MACF1: variants seen among roughly 807,000 people sequenced by gnomAD.
The protein encoded by MACF1 is microtubule-actin cross-linking factor 1.
In MACF1, 193 loss-of-function variants were observed where a neutral mutation model predicts 854.8. That is an observed-to-expected ratio of 0.23 (90% CI 0.20 to 0.25). The LOEUF (loss-of-function observed/expected upper bound fraction) is 0.25, where lower values mean the gene tolerates loss of function less well. MACF1 is among the 10% of genes least tolerant of loss of function. The pLI is 1.00. For missense variants in MACF1, 7,722 were observed against 8,929.1 expected, an observed-to-expected ratio of 0.86 and a Z score of 5.45; for synonymous variants, 3,185 against 3,226.7, an observed-to-expected ratio of 0.99 and a Z score of 0.44.
intron 55 of MACF1, among the ~76,000 whole-genome samples, chr1:39,381,356 CTT>C (rs869060742): frequency 1.9e-4 from 7 of 36,794 alleles, no homozygotes; most frequent in African/African-American, 4.6e-4. Context: ...CATGCCTGGC[CTT>C]TTTTTTTTTT....
At chr1:39,221,063 C>A (rs1007085896) in intron 1 of MACF1, among the ~76,000 whole-genome samples, 33 of 152,154 alleles carry the variant, frequency 2.2e-4, no homozygotes, top group East Asian at 5.8e-4. Flanking sequence ...AAGGTTGCTC[C>A]TAGTAGAGTA....
At chr1:39,208,232 A>G (rs766517953) in intron 1 of MACF1, among the ~76,000 whole-genome samples, 1 of 147,904 alleles carries the variant, frequency 6.8e-6, no homozygotes, top group Non-Finnish European at 1.5e-5. Flanking sequence ...TCTTGGCCTT[A>G]TAAGCATCCA....
At chr1:39,288,793 A>G (rs1294301330) in intron 15 of MACF1, among the ~76,000 whole-genome samples, 1 of 152,238 alleles carries the variant, frequency 6.6e-6, no homozygotes, top group Non-Finnish European at 1.5e-5. Context: ...CCCCATCTCA[A>G]AAATAAAACA....
Position 39,331,811 on chromosome 1 carries a change from A to G in MACF1, c.5223A>G (p.Lys1741=), listed in dbSNP as rs780957967. Residue 1741 remains lysine, a synonymous_variant, in exon 37 of 101, where the codon AAA becomes AAG. Transcript: ENST00000564288. ...KQLAGGMVSL[K]SGRKVSIFRA... is the part of the protein sequence containing the mutation. Reference sequence around the variant, plus strand: ...TGGCAGGGGGGATGGTGAGCTTGAAATCAGGCCGGAAGGTTAGCATTTTCC... The same window carrying G: ...TGGCAGGGGGGATGGTGAGCTTGAAGTCAGGCCGGAAGGTTAGCATTTTCC... The G allele has an allele frequency of 2.5e-6, 4 of 1,614,046 alleles. No individual in the cohort carries two copies. Among genetic ancestry groups the G allele is most frequent in the Admixed American group, 1.7e-5 (1 of 59,994 alleles).
At chr1:39,224,291 T>A (rs2148294479) in intron 1 of MACF1, among the ~76,000 whole-genome samples, 1 of 152,148 alleles carries the variant, frequency 6.6e-6, no homozygotes, top group East Asian at 1.9e-4. Context: ...CTTGGACATC[T>A]GAAGAAGCTA....
At chr1:39,287,689 G>A in intron 15 of MACF1, 127 bp downstream of exon 15, 2 of 1,060,316 alleles carry the variant, frequency 1.9e-6, no homozygotes, top group Admixed American at 4.5e-5. Context: ...TCTTTTATTT[G>A]AGTGATGGGG....
At chr1:39,374,313 A>T (rs1015431707) in intron 52 of MACF1, among the ~76,000 whole-genome samples, 3 of 152,234 alleles carry the variant, frequency 2.0e-5, no homozygotes, top group Non-Finnish European at 4.4e-5. Context: ...TTGAGATCAC[A>T]TAAGTTTTAT....
intron 23 of MACF1, chr1:39,304,403 A>T: frequency 8.8e-7 from 1 of 1,136,264 alleles, no homozygotes; most frequent in Middle Eastern, 2.0e-4. Flanking sequence ...TTTATCTCCA[A>T]CTTTCCTGCT....
chr1:39,291,739 C>T (rs1262936604), intron 15 of MACF1, among the ~76,000 whole-genome samples, 171 bp from the exon 16 acceptor site: 1 of 152,114 alleles, frequency 6.6e-6, no homozygotes, highest in Non-Finnish European at 1.5e-5. Context: ...TGCTTCTTAG[C>T]GGTGATGATG....
chr1:39,379,235 G>A lies in MACF1; in HGVS notation c.13309G>A (p.Val4437Ile), dbSNP rs1361214288. 1.1e-5 allele frequency: 18 copies of A among 1,609,814 alleles called. No homozygotes were observed. Among genetic ancestry groups the A allele is most frequent in the Non-Finnish European group, 1.5e-5 (18 of 1,178,186 alleles). ...GGAGATCCAGTGTGACATGTCAGATGTAAACTTGAAGTATGAGAAACTAGG... is the reference window on the plus strand; with the variant it reads ...GGAGATCCAGTGTGACATGTCAGATATAAACTTGAAGTATGAGAAACTAGG... ...LTEIQCDMSD[V>I]NLKYEKLGGV... Residue 4437 changes from valine (V) to isoleucine (I), a missense_variant, in exon 54 of 101, where the codon GTA (valine) becomes ATA (isoleucine). Val to Ile is a conservative substitution (Grantham distance 29). Around this residue, in one of 15 missense-constraint regions of MACF1, gnomAD observed 2,807 missense variants for 3,235.8 expected, o/e 0.87. Transcript: ENST00000564288.
intron 97 of MACF1, among the ~76,000 whole-genome samples, chr1:39,471,982 T>G (rs939534077): frequency 6.6e-6 from 1 of 152,198 alleles, no homozygotes; most frequent in Non-Finnish European, 1.5e-5. Flanking sequence ...AACAATAGCT[T>G]AGAACTGAAT....
At chr1:39,428,333 G>T in intron 63 of MACF1, 46 bp downstream of exon 63, 2 of 1,471,036 alleles carry the variant, frequency 1.4e-6, no homozygotes, top group East Asian at 2.5e-5. Flanking sequence ...CTGTTATTTT[G>T]TTATTTTGAT....
intron 1 of MACF1, among the ~76,000 whole-genome samples, chr1:39,211,636 AT>A (rs1644517637): frequency 6.6e-6 from 1 of 152,066 alleles, no homozygotes; most frequent in African/African-American, 2.4e-5. Flanking sequence ...TAATCCTGAC[AT>A]TTTGGGAGGC....
At chr1:39,342,023 G>A (rs1646946069) in intron 40 of MACF1, among the ~76,000 whole-genome samples, 3 of 151,846 alleles carry the variant, frequency 2.0e-5, no homozygotes, top group Non-Finnish European at 4.4e-5. Flanking sequence ...TAACCAATAG[G>A]TATTTTTTCT....
chr1:39,122,020 C>T (rs1642727295), intron 2 of MACF1, among the ~76,000 whole-genome samples: 1 of 152,126 alleles, frequency 6.6e-6, no homozygotes, highest in African/African-American at 2.4e-5. Context: ...ATTTGAACTA[C>T]TCAAGTAGAG....
At position 39,300,295 on chromosome 1, in the gene MACF1, G is replaced by A. The variant is rs373088168; in HGVS notation, c.2567G>A (p.Arg856His). 4.3e-6 allele frequency: 7 copies of A among 1,613,802 alleles called. No homozygotes were observed. Among genetic ancestry groups the A allele is most frequent in the Non-Finnish European group, 5.9e-6 (7 of 1,180,000 alleles). The change falls in exon 22 of 101, where the codon CGC becomes CAC. Residue 856 changes from arginine (R) to histidine (H), a missense_variant. Arg to His is a conservative substitution (Grantham distance 29). Around this residue, in one of 15 missense-constraint regions of MACF1, gnomAD observed 1,137 missense variants for 1,263.0 expected, o/e 0.90. Transcript: ENST00000564288. ...AAAACCATCGTTCAGCTAAAACCAC[G>A]CAGTCCAGACCATGTGTTAAAGAAC... The part of the protein sequence containing the change: ...RSKTIVQLKP[R>H]SPDHVLKNTI...
chr1:39,291,877 A>C lies in MACF1; in HGVS notation c.1786-33A>C, dbSNP rs772373512. On this transcript the variant is annotated intron_variant, in intron 15 of 100. Transcript: ENST00000564288. The stretch of plus-strand genomic sequence containing the variant: ...CCATTTTCCTACCAAGCCAGCAGTA[A>C]ATTATGTCATATATATATTTTTTCT... 19 of 1,599,098 alleles carry C rather than the reference A, an allele frequency of 1.2e-5. No individual in the cohort carries two copies. The East Asian group carries it at 4.3e-4, about 36-fold the overall frequency.
intron 49 of MACF1, among the ~76,000 whole-genome samples, chr1:39,367,674 C>T (rs973820123): frequency 4.6e-5 from 7 of 152,154 alleles, no homozygotes; most frequent in Admixed American, 1.3e-4. Flanking sequence ...TCATTCTTTA[C>T]GTCCTGTCAT....
rs760647921 is a variant in MACF1, at chr1:39,433,070, G to A, written c.17480G>A (p.Arg5827Gln). ...VQKAFSIDII[R>Q]HKDSMDELFS... is the part of the protein sequence containing the mutation. ...AAGGCTTTCTCCATTGACATTATTC[G>A]ACACAAAGATTCAATGGATGAACTC... The change falls in exon 68 of 101, where the codon CGA becomes CAA. Residue 5827 changes from arginine (R) to glutamine (Q), a missense_variant. Around this residue, in one of 15 missense-constraint regions of MACF1, gnomAD observed 2,807 missense variants for 3,235.8 expected, o/e 0.87. Transcript: ENST00000564288. 2.5e-6 allele frequency: 4 copies of A among 1,609,466 alleles called. No homozygotes were observed. The highest frequency in any genetic ancestry group is 2.2e-5 in the East Asian group (1 of 44,648).
Sources: allele counts gnomAD v4.1 joint callset (sites outside exome capture counted in the v4.1 genomes callset), GRCh38; gene constraint gnomAD v4.1.1; regional missense constraint gnomAD v4.1.1; transcripts MANE v1.5; gene names NCBI Gene and HGNC (gene_info 2026-07-23, HGNC 2026-07-21).